The following CLSTN2 variants were observed in gnomAD, a reference collection of about 807,000 sequenced individuals.
CLSTN2 encodes the protein calsyntenin-2.
In CLSTN2, 48 loss-of-function variants were observed where a neutral mutation model predicts 101.2. The observed-to-expected ratio is 0.47, with a 90% CI of 0.38 to 0.60. The LOEUF (loss-of-function observed/expected upper bound fraction) is 0.60, where lower values mean the gene tolerates loss of function less well. Ranked by LOEUF, CLSTN2 falls within the 20% of genes least tolerant of loss-of-function variation. The pLI is 0.00. For synonymous variants in CLSTN2, 481 were observed against 463.6 expected (o/e 1.04, Z -0.48); for missense variants, 1,160 against 1,238.2 (o/e 0.94, Z 0.95).
chr3:140,504,115 G>A (rs964367049), intron 8 of CLSTN2, among the ~76,000 whole-genome samples: 1 of 152,186 alleles, frequency 6.6e-6, no homozygotes, highest in Non-Finnish European at 1.5e-5. Flanking sequence ...AGCCTACAAG[G>A]CTTTGCCAGG....
chr3:140,008,010 A>C (rs540012600), intron 1 of CLSTN2, among the ~76,000 whole-genome samples: 1 of 152,342 alleles, frequency 6.6e-6, no homozygotes, highest in Admixed American at 6.5e-5. Flanking sequence ...AACTGCCAAC[A>C]GTTATTGAGT....
chr3:140,094,656 C>T (rs2107787297), intron 1 of CLSTN2, among the ~76,000 whole-genome samples: 1 of 152,260 alleles, frequency 6.6e-6, no homozygotes, highest in African/African-American at 2.4e-5. Flanking sequence ...CTAAATTAAA[C>T]AGCTAGGGTG....
intron 2 of CLSTN2, among the ~76,000 whole-genome samples, chr3:140,277,250 C>T (rs2086803661): frequency 6.6e-6 from 1 of 152,168 alleles, no homozygotes; most frequent in African/African-American, 2.4e-5. Context: ...TGGAACTCTT[C>T]AAGGAGGGGA....
intron 7 of CLSTN2, among the ~76,000 whole-genome samples, chr3:140,460,690 C>T (rs928704378): frequency 5.3e-5 from 8 of 152,156 alleles, no homozygotes; most frequent in African/African-American, 1.9e-4. Flanking sequence ...CTTGTCACTA[C>T]ACCCACCCAT....
chr3:139,975,809 C>T (rs1377984785), intron 1 of CLSTN2, among the ~76,000 whole-genome samples: 1 of 152,170 alleles, frequency 6.6e-6, no homozygotes, highest in Non-Finnish European at 1.5e-5. Context: ...CTCTGTCATG[C>T]CACAGCCATG....
chr3:140,226,436 C>T (rs779954458), intron 2 of CLSTN2, among the ~76,000 whole-genome samples: 2 of 152,074 alleles, frequency 1.3e-5, no homozygotes, highest in Non-Finnish European at 2.9e-5. Context: ...TCTATAATTA[C>T]ATTCAAAATA....
chr3:140,126,592 G>A (rs2009435035), intron 1 of CLSTN2, among the ~76,000 whole-genome samples: 1 of 152,156 alleles, frequency 6.6e-6, no homozygotes, highest in African/African-American at 2.4e-5. Context: ...TAGCATATGG[G>A]TTTGGAGATC....
chr3:140,339,858 C>T (rs573550268), intron 2 of CLSTN2, among the ~76,000 whole-genome samples: 15 of 152,282 alleles, frequency 9.9e-5, no homozygotes, highest in South Asian at 2.1e-4. Flanking sequence ...TTGACTTAGT[C>T]CAAGCAACAA....
chr3:140,058,873 G>A (rs1473563841), intron 1 of CLSTN2, among the ~76,000 whole-genome samples: 2 of 152,162 alleles, frequency 1.3e-5, no homozygotes, highest in East Asian at 3.9e-4. Context: ...AGGCAGGAAA[G>A]CCAGAGGGAG....
intron 1 of CLSTN2, among the ~76,000 whole-genome samples, chr3:140,040,881 A>T (rs888677576): frequency 2.0e-5 from 3 of 150,192 alleles, no homozygotes; most frequent in East Asian, 2.0e-4. Flanking sequence ...GGCTGTTAGG[A>T]GGGCCTTGTG....
chr3:140,400,483 G>T (rs2088229225), intron 2 of CLSTN2, among the ~76,000 whole-genome samples: 1 of 152,136 alleles, frequency 6.6e-6, no homozygotes, highest in Non-Finnish European at 1.5e-5. Context: ...AGAATGGCTT[G>T]AGGTCAGGAG....
chr3:140,566,547 T>A lies in CLSTN2; in HGVS notation c.*294T>A, dbSNP rs1576380980. 2 of 425,256 alleles carry A rather than the reference T, an allele frequency of 4.7e-6. No individual in the cohort carries two copies. Among genetic ancestry groups the A allele is most frequent in the Non-Finnish European group, 8.7e-6 (2 of 231,088 alleles). The allele number at this position is 425,256 out of a possible 1,614,324, so 26.3% of individuals were successfully genotyped here. A position where few individuals can be genotyped will look rare whatever the true frequency, so the allele number is the denominator to read the frequency against. On this transcript the variant is annotated 3_prime_UTR_variant, in exon 17 of 17. Transcript: ENST00000458420. ...TGACTACCTGTCTGCAGAGTTTGCC[T>A]TTGTTTTTTCCTGCAGGGAAGAAGG...
chr3:140,191,026 C>T (rs1009360319), intron 2 of CLSTN2, among the ~76,000 whole-genome samples: 1 of 152,066 alleles, frequency 6.6e-6, no homozygotes, highest in African/African-American at 2.4e-5. Context: ...AGTCTTTCAC[C>T]AGTAAATATA....
intron 1 of CLSTN2, among the ~76,000 whole-genome samples, chr3:140,020,869 G>T (rs2007299782): frequency 6.6e-6 from 1 of 152,144 alleles, no homozygotes. Flanking sequence ...TCTTTTAATA[G>T]GCACAATTTA....
chr3:140,053,201 T>C (rs2008031557), intron 1 of CLSTN2, among the ~76,000 whole-genome samples: 1 of 152,184 alleles, frequency 6.6e-6, no homozygotes, highest in African/African-American at 2.4e-5. Flanking sequence ...TCCTCTGGAC[T>C]CTGGATGGGA....
intron 1 of CLSTN2, among the ~76,000 whole-genome samples, chr3:140,034,584 T>C (rs1035947571): frequency 6.6e-6 from 1 of 152,176 alleles, no homozygotes; most frequent in Non-Finnish European, 1.5e-5. Context: ...GCTTGTAGGC[T>C]TAGGGGAGCC....
chr3:140,156,826 CTTCAGACGT>C (rs1485707116), intron 1 of CLSTN2, among the ~76,000 whole-genome samples: 2 of 152,198 alleles, frequency 1.3e-5, no homozygotes, highest in African/African-American at 4.8e-5. Flanking sequence ...GGTCTGACCT[CTTCAGACGT>C]TTCTGGCTCC....
At chr3:140,484,935 C>T (rs527841477) in intron 8 of CLSTN2, among the ~76,000 whole-genome samples, 5 of 152,150 alleles carry the variant, frequency 3.3e-5, no homozygotes, top group South Asian at 2.1e-4. Context: ...GTAGTTTGAT[C>T]GTCTGAAGCC....
intron 1 of CLSTN2, among the ~76,000 whole-genome samples, chr3:139,984,854 C>CA (rs1935995416): frequency 1.3e-5 from 2 of 152,160 alleles, no homozygotes; most frequent in South Asian, 4.1e-4. Context: ...CTGAATATCT[C>CA]AAAGGTCAAA....
Sources: gnomAD v4.1 joint callset for allele counts (sites outside exome capture counted in the v4.1 genomes callset) on GRCh38, gnomAD v4.1.1 for gene constraint, MANE v1.5 for transcripts, NCBI Gene and HGNC (gene_info 2026-07-23, HGNC 2026-07-21) for gene names.